CFAP20DC: variants seen among roughly 807,000 people sequenced by gnomAD.
The protein encoded by CFAP20DC is CFAP20 domain containing, also known as protein CFAP20DC.
In CFAP20DC, 84 loss-of-function variants were observed where a neutral mutation model predicts 101.7. That is an observed-to-expected ratio of 0.83 (90% confidence interval 0.69 to 0.99). The LOEUF is 0.99. CFAP20DC is among the 50% of genes least tolerant of loss of function. The pLI, the probability that CFAP20DC is intolerant of heterozygous loss-of-function variation, is 0.00. For missense variants in CFAP20DC, 1,007 were observed against 970.3 expected, an observed-to-expected ratio of 1.04 and a Z score of -0.50; for synonymous variants, 359 against 351.2, an observed-to-expected ratio of 1.02 and a Z score of -0.25.
At chr3:58,956,239 A>G (rs1239601621) in intron 4 of CFAP20DC, among the ~76,000 whole-genome samples, 3 of 151,900 alleles carry the variant, frequency 2.0e-5, no homozygotes, top group Non-Finnish European at 4.4e-5. Flanking sequence ...GGGGCCCACA[A>G]TTCCAGGACT....
chr3:58,814,338 G>T (rs1020377465), intron 14 of CFAP20DC, among the ~76,000 whole-genome samples: 1 of 151,698 alleles, frequency 6.6e-6, no homozygotes, highest in Admixed American at 6.6e-5. Context: ...AATAAATTAG[G>T]TATTGATGGG....
chr3:58,779,645 A>G (rs1345228805), intron 15 of CFAP20DC, among the ~76,000 whole-genome samples: 1 of 152,200 alleles, frequency 6.6e-6, no homozygotes, highest in East Asian at 1.9e-4. Flanking sequence ...GCTATTTTGA[A>G]ATGACCCAGT....
intron 4 of CFAP20DC, among the ~76,000 whole-genome samples, chr3:58,940,315 C>T (rs1287749661): frequency 6.6e-6 from 1 of 152,196 alleles, no homozygotes; most frequent in Admixed American, 6.5e-5. Context: ...ATATAGTTTA[C>T]CATTATTTAT....
At chr3:58,743,595 A>G (rs1219124570) in intron 16 of CFAP20DC, among the ~76,000 whole-genome samples, 1 of 152,212 alleles carries the variant, frequency 6.6e-6, no homozygotes, top group Non-Finnish European at 1.5e-5. Context: ...GGTGAGCTTC[A>G]GAAGAGTTTG....
intron 16 of CFAP20DC, among the ~76,000 whole-genome samples, chr3:58,751,937 A>C (rs1191546585): frequency 2.0e-5 from 3 of 152,026 alleles, no homozygotes; most frequent in African/African-American, 7.2e-5. Flanking sequence ...GTAAGTGCTA[A>C]ATGAATGGTG....
intron 4 of CFAP20DC, among the ~76,000 whole-genome samples, chr3:58,955,170 A>G (rs911349980): frequency 6.6e-6 from 1 of 152,120 alleles, no homozygotes; most frequent in African/African-American, 2.4e-5. Context: ...GGGCAGAACA[A>G]AAGGCTCCAC....
chr3:58,851,279 A>G (rs925244809), intron 12 of CFAP20DC, among the ~76,000 whole-genome samples: 4 of 152,150 alleles, frequency 2.6e-5, no homozygotes, highest in Admixed American at 6.6e-5. Flanking sequence ...TGGCTTGTGG[A>G]GACAGTAGAA....
intron 4 of CFAP20DC, among the ~76,000 whole-genome samples, chr3:59,004,931 T>G (rs2093401412): frequency 6.6e-6 from 1 of 152,212 alleles, no homozygotes; most frequent in Admixed American, 6.5e-5. Context: ...CCTAACTACC[T>G]ATGTAACCAA....
chr3:58,853,250 T>C (rs916546021), intron 12 of CFAP20DC, among the ~76,000 whole-genome samples: 19 of 152,120 alleles, frequency 1.2e-4, no homozygotes, highest in South Asian at 2.1e-4. Context: ...TGGATAAATT[T>C]CTCGACACAT....
At chr3:58,846,200 A>G (rs1465929098) in intron 13 of CFAP20DC, among the ~76,000 whole-genome samples, 1 of 149,710 alleles carries the variant, frequency 6.7e-6, no homozygotes, top group Non-Finnish European at 1.5e-5. Flanking sequence ...AGGGTATTCA[A>G]TTAGGAAAAG....
intron 4 of CFAP20DC, among the ~76,000 whole-genome samples, chr3:59,028,745 C>A (rs191250091): frequency 4.6e-5 from 7 of 152,152 alleles, no homozygotes; most frequent in African/African-American, 1.7e-4. Flanking sequence ...TGCCTACTAT[C>A]CAGGCTAATT....
At chr3:58,842,448 T>A (rs2077209965) in intron 13 of CFAP20DC, among the ~76,000 whole-genome samples, 1 of 152,018 alleles carries the variant, frequency 6.6e-6, no homozygotes, top group Admixed American at 6.6e-5. Flanking sequence ...AATATTGCGC[T>A]TTTCAGACCG....
chr3:58,836,249 T>C (rs377092558), intron 13 of CFAP20DC, among the ~76,000 whole-genome samples: 123 of 152,294 alleles, frequency 8.1e-4, no homozygotes, highest in Middle Eastern at 3.4e-3. Flanking sequence ...TAGGATAGTA[T>C]ATGTTGAGGT....
chr3:58,836,087 C>T (rs2076718390), intron 13 of CFAP20DC, among the ~76,000 whole-genome samples: 1 of 152,134 alleles, frequency 6.6e-6, no homozygotes, highest in Non-Finnish European at 1.5e-5. Context: ...TCTCTCCAAG[C>T]CATTCAATCC....
rs1051185014 is a variant in CFAP20DC at position 59,001,781 on chromosome 3, G to C, written c.278+37776C>G. Among the ~76,000 whole-genome samples the C allele has an allele frequency of 1.3e-5, 2 of 152,098 alleles. No individual in the cohort carries two copies. Among genetic ancestry groups the C allele is most frequent in the Non-Finnish European group, 2.9e-5 (2 of 68,014 alleles). On this transcript the variant is annotated intron_variant, in intron 4 of 16. Transcript: ENST00000482387. The surrounding 1 kb of genome is among the most constrained non-coding windows in gnomAD (Gnocchi z 4.5). ...TCTCGCAAAAGCAGGGAATTAGCCA[G>C]GCAGTAGTCTGATTAGGGGTGGCCT...
chr3:58,801,608 C>A (rs557434944), intron 15 of CFAP20DC, among the ~76,000 whole-genome samples: 2 of 151,686 alleles, frequency 1.3e-5, no homozygotes, highest in African/African-American at 4.8e-5. Context: ...CAGGTTGCAT[C>A]GTGACAACTG....
chr3:58,792,288 C>T (rs17293915), intron 15 of CFAP20DC, among the ~76,000 whole-genome samples: 2,922 of 152,118 alleles, frequency 0.019, 55 homozygotes, highest in South Asian at 0.028. Flanking sequence ...TATTTATTTG[C>T]GTTTGGGCTA....
chr3:58,912,741 AC>A lies in CFAP20DC; in HGVS notation c.550+966del, dbSNP rs1219623081. On this transcript the variant is annotated intron_variant, in intron 6 of 16. Transcript: ENST00000482387. The surrounding 1 kb of genome is among the most constrained non-coding windows in gnomAD (Gnocchi z 4.4). ...CTTATGAATTCCAGGGAGCTGAGTT[AC>A]CTGCAGAGTATATTTATAAATCAAA... The A allele has an allele frequency of 2.2e-6, 1 of 456,414 alleles. No individual in the cohort carries two copies. Among genetic ancestry groups the A allele is most frequent in the Non-Finnish European group, 4.4e-6 (1 of 226,844 alleles). 28.3% of individuals were successfully genotyped at this position (456,414 alleles called of 1,614,324 possible). A position where few individuals can be genotyped will look rare whatever the true frequency, so the allele number is the denominator to read the frequency against.
At chr3:58,980,384 A>G (rs899603366) in intron 4 of CFAP20DC, among the ~76,000 whole-genome samples, 3 of 152,142 alleles carry the variant, frequency 2.0e-5, no homozygotes, top group African/African-American at 4.8e-5. Context: ...ATACCAAAGG[A>G]CGGCAGAGAC....
Sources: allele counts gnomAD v4.1 joint callset (sites outside exome capture counted in the v4.1 genomes callset), GRCh38; gene constraint gnomAD v4.1.1; non-coding constraint Gnocchi (gnomAD v3.1); transcripts MANE v1.5; gene names NCBI Gene and HGNC (gene_info 2026-07-23, HGNC 2026-07-21).